The following DLC1 variants were observed in gnomAD, a reference collection of about 807,000 sequenced individuals.
DLC1 encodes the protein rho GTPase-activating protein 7.
In DLC1, 54 loss-of-function variants were observed where a neutral mutation model predicts 140.3. That is an observed-to-expected ratio of 0.38 (90% confidence interval 0.31 to 0.48). The LOEUF is 0.48. Ranked by LOEUF, DLC1 falls within the 20% of genes least tolerant of loss-of-function variation. The probability of loss-of-function intolerance (pLI) is 0.96; values close to 1 mark genes in which losing one functional copy is unlikely to be tolerated. For missense variants in DLC1, 2,536 were observed against 1,907.0 expected (o/e 1.33, Z -6.14); for synonymous variants, 986 against 728.1 (o/e 1.35, Z -5.70).
intron 4 of DLC1, among the ~76,000 whole-genome samples, chr8:13,305,749 A>G (rs1008537947): frequency 1.3e-5 from 2 of 152,208 alleles, no homozygotes; most frequent in African/African-American, 4.8e-5. Flanking sequence ...AGGTAGGAGA[A>G]TCACCTGAGC....
intron 5 of DLC1, among the ~76,000 whole-genome samples, chr8:13,177,725 C>A (rs1825827758): frequency 6.6e-6 from 1 of 151,648 alleles, no homozygotes; most frequent in South Asian, 2.1e-4. Flanking sequence ...GTATTCTAAT[C>A]ATGAGTGTAA....
At chr8:13,520,818 C>T (rs942213251) in intron 1 of DLC1, among the ~76,000 whole-genome samples, 1 of 151,974 alleles carries the variant, frequency 6.6e-6, no homozygotes, top group African/African-American at 2.4e-5. Flanking sequence ...GGCTGAGGCT[C>T]TTCCTCTGTC....
intron 1 of DLC1, among the ~76,000 whole-genome samples, chr8:13,575,444 C>T (rs1354073145): frequency 2.0e-5 from 3 of 151,654 alleles, no homozygotes; most frequent in South Asian, 2.1e-4. Flanking sequence ...GGGGTGGGGC[C>T]GAGGGGAGGA....
At chr8:13,123,328 A>C (rs1821264384) in intron 5 of DLC1, among the ~76,000 whole-genome samples, 12 of 141,406 alleles carry the variant, frequency 8.5e-5, no homozygotes, top group Admixed American at 1.4e-4. Flanking sequence ...TGCTCCCTGC[A>C]CCCCCCGCCC....
In DLC1 at chr8:13,219,293, T is replaced by C. The variant is rs535989362; in HGVS notation, c.1348+85976A>G. ...TAATTATAATATGAATATAATTATATAGTTATATTCTTAAATATGAATAGT... is the reference window on the plus strand; with the variant it reads ...TAATTATAATATGAATATAATTATACAGTTATATTCTTAAATATGAATAGT... On this transcript the variant is annotated intron_variant, in intron 5 of 17. Coordinates refer to ENST00000276297, the MANE Select transcript of DLC1 (RefSeq NM_182643.3). Among the ~76,000 whole-genome samples the C allele has an allele frequency of 3.0e-3, 418 of 140,500 alleles. 1 individual carries two copies. Among genetic ancestry groups the C allele is most frequent in the African/African-American group, 0.01 (391 of 38,900 alleles). 92.2% of individuals were successfully genotyped at this position (140,500 alleles called of 152,430 possible).
chr8:13,109,689 A>G (rs906241404), intron 7 of DLC1, among the ~76,000 whole-genome samples: 1 of 141,426 alleles, frequency 7.1e-6, no homozygotes, highest in Non-Finnish European at 1.5e-5. Context: ...ATTTGAGACC[A>G]TCCTGGCAAC....
intron 1 of DLC1, among the ~76,000 whole-genome samples, chr8:13,551,337 A>G (rs746690590): frequency 1.3e-5 from 2 of 152,014 alleles, no homozygotes; most frequent in African/African-American, 4.8e-5. Context: ...AATTTTCCAG[A>G]TATATGTGGG....
intron 6 of DLC1, among the ~76,000 whole-genome samples, chr8:13,112,445 A>G (rs576507574): frequency 1.3e-5 from 2 of 152,316 alleles, no homozygotes; most frequent in South Asian, 4.2e-4. Context: ...TGGATTACTG[A>G]CATTGTTCCC....
At chr8:13,226,037 T>A (rs1229476046) in intron 5 of DLC1, among the ~76,000 whole-genome samples, 2 of 152,174 alleles carry the variant, frequency 1.3e-5, no homozygotes, top group Non-Finnish European at 2.9e-5. Context: ...ATCAGTCTCC[T>A]GAGTAGCTGA....
intron 2 of DLC1, among the ~76,000 whole-genome samples, chr8:13,408,608 G>T (rs990232898): frequency 3.3e-5 from 5 of 152,098 alleles, no homozygotes; most frequent in African/African-American, 1.2e-4. Context: ...TGGGGACTGG[G>T]ATATAATTTC....
chr8:13,225,807 G>T (rs895032016), intron 5 of DLC1, among the ~76,000 whole-genome samples: 1 of 151,876 alleles, frequency 6.6e-6, no homozygotes, highest in Non-Finnish European at 1.5e-5. Flanking sequence ...AGTAGAGATG[G>T]GGTTTCACCG....
chr8:13,540,674 A>G (rs1421109191), intron 1 of DLC1, among the ~76,000 whole-genome samples: 1 of 152,222 alleles, frequency 6.6e-6, no homozygotes, highest in African/African-American at 2.4e-5. Flanking sequence ...GATCTGAAGT[A>G]TGGCACTAAT....
rs1249598030 is a variant in DLC1, at chr8:13,567,013, G to A, written c.-126+37524C>T. 5 of 1,550,282 alleles carry A rather than the reference G, an allele frequency of 3.2e-6. No individual in the cohort carries two copies. In the Admixed American group the frequency reaches 9.8e-5, roughly 30 times the overall value. ...TGTGATGGCCATCTGCCCAGAATTG[G>A]CCCAAACGGACAAAAGTGCTCTTGC... On this transcript the variant is annotated intron_variant, in intron 1 of 1. Coordinates refer to the DLC1 transcript ENST00000631382.
chr8:13,305,082 G>T, intron 5 of DLC1, 187 bp downstream of exon 5: 1 of 1,267,620 alleles, frequency 7.9e-7, no homozygotes, highest in Non-Finnish European at 1.0e-6. Context: ...ATGTCATTAT[G>T]TCAGAAAACC....
chr8:13,133,973 T>G (rs1260731196), intron 5 of DLC1, among the ~76,000 whole-genome samples: 4 of 152,226 alleles, frequency 2.6e-5, no homozygotes, highest in African/African-American at 9.6e-5. Context: ...ACTCGGCACG[T>G]GCTGGGGGTC....
chr8:13,555,692 G>C (rs1052660730), intron 1 of DLC1, among the ~76,000 whole-genome samples: 2 of 151,324 alleles, frequency 1.3e-5, no homozygotes, highest in African/African-American at 4.9e-5. Context: ...ATTAGAGACA[G>C]GATTTCACCA....
chr8:13,241,649 A>G (rs1393006498), intron 5 of DLC1, among the ~76,000 whole-genome samples: 1 of 152,210 alleles, frequency 6.6e-6, no homozygotes, highest in Non-Finnish European at 1.5e-5. Context: ...AACACTGTGC[A>G]GAAATGTTTT....
At chr8:13,601,054 G>A (rs1357014985) in intron 1 of DLC1, among the ~76,000 whole-genome samples, 1 of 151,442 alleles carries the variant, frequency 6.6e-6, no homozygotes, top group African/African-American at 2.4e-5. Context: ...TATCTACTTT[G>A]AGCCAATCTC....
intron 2 of DLC1, among the ~76,000 whole-genome samples, chr8:13,441,929 G>A (rs1025883499): frequency 6.6e-6 from 1 of 152,188 alleles, no homozygotes; most frequent in Admixed American, 6.5e-5. Flanking sequence ...AAAGCTGGAG[G>A]CATCACACTA....
Sources: allele counts gnomAD v4.1 joint callset (sites outside exome capture counted in the v4.1 genomes callset), GRCh38; gene constraint gnomAD v4.1.1; transcripts MANE v1.5; gene names NCBI Gene and HGNC (gene_info 2026-07-23, HGNC 2026-07-21).